The following BAIAP3 variants were observed in gnomAD, a reference collection of about 807,000 sequenced individuals.
BAIAP3 encodes BAI1-associated protein 3.
Under a neutral mutation model 149.7 loss-of-function variants are expected in BAIAP3, and 180 were observed. The observed-to-expected ratio is 1.20, with a 90% confidence interval of 1.07 to 1.36. BAIAP3 has a LOEUF of 1.36. Ranked by LOEUF, BAIAP3 falls within the 40% of genes most tolerant of loss-of-function variation. The pLI is 0.00. For missense variants in BAIAP3, 1,767 were observed against 1,563.4 expected (o/e 1.13, Z -2.20); for synonymous variants, 845 against 670.7 (o/e 1.26, Z -4.02).
At position 1,342,523 on chromosome 16, in the gene BAIAP3, C is replaced by G; in HGVS notation, c.958-4C>G. On this transcript the variant is annotated splice_region_variant and splice_polypyrimidine_tract_variant and intron_variant, in intron 11 of 33. Coordinates refer to ENST00000426824, the MANE Select transcript of BAIAP3 (RefSeq NM_001199097.2). ...GGTGGGCCTGACCCCCATGCTACCCCCAGGAGGTGCCTGTGGCTGGCGTCG... is the reference window on the plus strand; with the variant it reads ...GGTGGGCCTGACCCCCATGCTACCCGCAGGAGGTGCCTGTGGCTGGCGTCG... The G allele has an allele frequency of 6.4e-7, 1 of 1,551,604 alleles. No homozygotes were observed. Among genetic ancestry groups the G allele is most frequent in the Non-Finnish European group, 8.7e-7 (1 of 1,147,758 alleles).
Position 1,345,246 on chromosome 16 carries a change from C to G in BAIAP3, c.1941-3C>G. On this transcript the variant is annotated splice_polypyrimidine_tract_variant and splice_region_variant and intron_variant, in intron 21 of 33. Coordinates refer to ENST00000426824, the MANE Select transcript of BAIAP3 (RefSeq NM_001199097.2). ...CCGAGCCCTCACAACCCTCCCACCA[C>G]AGGGACAGCCGCTCTCTGGCCCTGG... The G allele has an allele frequency of 6.2e-7, 1 of 1,612,758 alleles. No individual in the cohort carries two copies. The highest frequency in any genetic ancestry group is 8.5e-7 in the Non-Finnish European group (1 of 1,179,766).
rs1039905614 is a variant in BAIAP3 at position 1,337,433 on chromosome 16, G to A, written c.-10-1107G>A. Reference sequence around the variant, plus strand: ...CTTGGGAGGCTGAGGCAGGAGAATCGCTTGAACCTGGAAGGCGGAGGTTGC... The same window carrying A: ...CTTGGGAGGCTGAGGCAGGAGAATCACTTGAACCTGGAAGGCGGAGGTTGC... On this transcript the variant is annotated intron_variant, in intron 1 of 33. Transcript: ENST00000426824. Among the ~76,000 whole-genome samples the A allele has an allele frequency of 1.2e-4, 18 of 152,226 alleles. 1 individual carries two copies. Among genetic ancestry groups the A allele is most frequent in the Non-Finnish European group, 2.9e-5 (2 of 68,030 alleles).
intron 11 of BAIAP3, 74 bp downstream of exon 11, chr16:1,342,357 G>A (rs773087108): frequency 2.4e-5 from 36 of 1,495,736 alleles, no homozygotes; most frequent in Non-Finnish European, 3.2e-5. Flanking sequence ...CAAGGGGCAG[G>A]GCACTGCCTG....
chr16:1,341,825 G>GA lies in BAIAP3; in HGVS notation c.736dup (p.Ile246AsnfsTer2). ...GGCATCTCTGTTCTCCTTGTAGCGA[G>GA]ATTGAGGATGTGAGCACGGACCAGC... On this transcript the variant is annotated frameshift_variant, in exon 9 of 34. Coordinates refer to ENST00000426824, the MANE Select transcript of BAIAP3 (RefSeq NM_001199097.2). LOFTEE classifies it high-confidence loss of function. 1 of 1,612,482 alleles carries GA rather than the reference G, an allele frequency of 6.2e-7. No homozygotes were observed. Among genetic ancestry groups the GA allele is most frequent in the East Asian group, 2.2e-5 (1 of 44,870 alleles).
In BAIAP3 at chr16:1,345,755, C is replaced by G. The variant is rs776326512; in HGVS notation, c.2073C>G (p.Pro691=). Reference sequence around the variant, plus strand: ...CTCCCCTGCCTCCCTAGCTGGAGCCCGTGGACGCCTCCTCCAGGCACAGCA... The same window carrying G: ...CTCCCCTGCCTCCCTAGCTGGAGCCGGTGGACGCCTCCTCCAGGCACAGCA... The part of the protein sequence containing the change: ...QGAVDMDTLE[P]VDASSRHSSS... The change falls in exon 23 of 34, where the codon CCC becomes CCG. Residue 691 remains proline (P), a synonymous_variant. Coordinates refer to ENST00000426824, the MANE Select transcript of BAIAP3 (RefSeq NM_001199097.2). 1.9e-6 allele frequency: 3 copies of G among 1,541,858 alleles called. No individual in the cohort carries two copies. The highest frequency in any genetic ancestry group is 4.8e-5 in the East Asian group (2 of 41,796).
intron 28 of BAIAP3, 86 bp from the exon 29 acceptor site, chr16:1,347,212 C>A: frequency 7.3e-7 from 1 of 1,374,998 alleles, no homozygotes; most frequent in Non-Finnish European, 1.0e-6. Context: ...CCCAGTGCTG[C>A]CTGGGCCCCT....
intron 32 of BAIAP3, 23 bp downstream of exon 32, chr16:1,348,040 C>A (rs1421087120): frequency 1.3e-6 from 2 of 1,598,126 alleles, no homozygotes; most frequent in Non-Finnish European, 1.7e-6. Context: ...AGCCCCAGCC[C>A]CAGCCCCAGG....
At chr16:1,340,544 A>C (rs7199081) in intron 5 of BAIAP3, among the ~76,000 whole-genome samples, 60,046 of 150,444 alleles carry the variant, frequency 0.4, 12,318 homozygotes, top group East Asian at 0.78. Flanking sequence ...ACACACACAC[A>C]CAGGCTGCAG....
chr16:1,345,066 AC>A lies in BAIAP3; in HGVS notation c.1909del (p.Leu637SerfsTer29). 6.2e-7 allele frequency: 1 copy of A among 1,612,262 alleles called. No homozygotes were observed. The highest frequency in any genetic ancestry group is 8.5e-7 in the Non-Finnish European group (1 of 1,179,960). ...TTTGAGCTCTACCTGACCCTGGCTG[AC>A]CTCCAGCGCTTCTGGGATAGCATCC... ...GLFELYLTLADLQRFWDSIPG... is the reference protein window; with the variant it reads ...GLFELYLTLAXLQRFWDSIPG... On this transcript the variant is annotated frameshift_variant, in exon 21 of 34. Coordinates refer to ENST00000426824, the MANE Select transcript of BAIAP3 (RefSeq NM_001199097.2). LOFTEE classifies it high-confidence loss of function.
chr16:1,336,975 G>A (rs541985829), intron 1 of BAIAP3, among the ~76,000 whole-genome samples: 1 of 152,308 alleles, frequency 6.6e-6, no homozygotes, highest in South Asian at 2.1e-4. Flanking sequence ...GGCAAGGCTG[G>A]GACAGGAACC....
In BAIAP3 at chr16:1,345,358, G is replaced by A. The variant is rs372682330; in HGVS notation, c.2050G>A (p.Val684Met). The change falls in exon 22 of 34, where the codon GTG becomes ATG. Residue 684 changes from valine (V) to methionine (M), a missense_variant. Physicochemically the swap from Val to Met is conservative, Grantham distance 21. Transcript: ENST00000426824. ...DQAKWRLQGAVDMDTLEPVDA... is the reference protein window; with the variant it reads ...DQAKWRLQGAMDMDTLEPVDA... ...GGCCAAGTGGAGGCTTCAGGGAGCC[G>A]TGGACATGGACACGGTGACAGCTGC... The A allele has an allele frequency of 9.9e-6, 16 of 1,612,290 alleles. No homozygotes were observed. Among genetic ancestry groups the A allele is most frequent in the Admixed American group, 3.3e-5 (2 of 59,946 alleles).
Position 1,347,435 on chromosome 16 carries a change from C to G in BAIAP3, c.2823+66C>G, listed in dbSNP as rs374306111. 16 of 1,593,218 alleles carry G rather than the reference C, an allele frequency of 1.0e-5. 1 individual carries two copies. The highest frequency in any genetic ancestry group is 2.7e-5 in the African/African-American group (2 of 74,498). Reference sequence around the variant, plus strand: ...GGACTGAGTTCAAACTGCAGCCCCACACGGGCTGTGTCCTTGAGCATGAGG... The same window carrying G: ...GGACTGAGTTCAAACTGCAGCCCCAGACGGGCTGTGTCCTTGAGCATGAGG... On this transcript the variant is annotated intron_variant, in intron 29 of 33. Transcript: ENST00000426824.
At chr16:1,334,391 C>T in intron 1 of BAIAP3, 1 of 505,972 alleles carries the variant, frequency 2.0e-6, no homozygotes. Flanking sequence ...GGGAGAGACC[C>T]CCATAGAACT....
In BAIAP3 at chr16:1,348,166, C is replaced by T. The variant is rs764610902; in HGVS notation, c.3220C>T (p.Leu1074=). The T allele has an allele frequency of 1.2e-6, 2 of 1,608,726 alleles. No homozygotes were observed. The highest frequency in any genetic ancestry group is 2.7e-5 in the African/African-American group (2 of 74,936). Residue 1074 remains leucine (L), a synonymous_variant, in exon 33 of 34, where the codon CTG becomes TTG. Transcript: ENST00000426824. ...GTTCACCGTCATGGACCACGACTGG[C>T]TGTCCACCAACGACTTCGCTGGGGA... is the stretch of plus-strand genomic sequence containing the variant. ...VLFTVMDHDW[L]STNDFAGEAA...
Position 1,343,515 on chromosome 16 carries a change from T to G in BAIAP3, c.1386+2T>G, listed in dbSNP as rs1596577246. The G allele has an allele frequency of 6.2e-7, 1 of 1,606,094 alleles. No individual in the cohort carries two copies. Among genetic ancestry groups the G allele is most frequent in the Non-Finnish European group, 8.5e-7 (1 of 1,177,912 alleles). ...GCTCCTTCACTGCCCCAGGAGCAGG[T>G]GGGTGCAGCCGGGACCTTCTTGCCA... On this transcript the variant is annotated splice_donor_variant, in intron 15 of 33. Transcript: ENST00000426824. LOFTEE classifies it high-confidence loss of function.
At position 1,347,940 on chromosome 16, in the gene BAIAP3, C is replaced by G. The variant is rs2034494893; in HGVS notation, c.3072C>G (p.Leu1024=). The G allele has an allele frequency of 6.2e-7, 1 of 1,612,178 alleles. No homozygotes were observed. The highest frequency in any genetic ancestry group is 8.5e-7 in the Non-Finnish European group (1 of 1,179,950). Residue 1024 remains leucine, a synonymous_variant, in exon 32 of 34, where the codon CTC becomes CTG. Transcript: ENST00000426824. ...FVIVELGPPH[L]FPLVRSQRTQ... is the part of the protein sequence containing the mutation. Reference sequence around the variant, plus strand: ...TCGTGGAGCTGGGCCCACCGCATCTCTTTCCACTGGTCCGCAGCCAGAGGA... The same window carrying G: ...TCGTGGAGCTGGGCCCACCGCATCTGTTTCCACTGGTCCGCAGCCAGAGGA...
rs781005290 is a variant in BAIAP3 at position 1,339,065 on chromosome 16, T to C, written c.219+76T>C. The C allele has an allele frequency of 6.2e-6, 10 of 1,602,992 alleles. 1 individual carries two copies. In the East Asian group the frequency reaches 2.0e-4, roughly 32 times the overall value. ...CCCTTTGCTCCTCCCCGCTCCCTCC[T>C]GCCCTCGCTCCCACCTCCTGGGGCA... On this transcript the variant is annotated intron_variant, in intron 3 of 33. Coordinates refer to ENST00000426824, the MANE Select transcript of BAIAP3 (RefSeq NM_001199097.2).
At chr16:1,340,425 G>T (rs1233350017) in intron 5 of BAIAP3, among the ~76,000 whole-genome samples, 2 of 74,900 alleles carry the variant, frequency 2.7e-5, no homozygotes, top group African/African-American at 7.6e-5. Flanking sequence ...TAGGCTGCAG[G>T]TGTACACAGA....
At chr16:1,346,136 C>T (rs755141411) in intron 24 of BAIAP3, 34 bp from the exon 25 acceptor site, 43 of 1,607,104 alleles carry the variant, frequency 2.7e-5, no homozygotes, top group South Asian at 4.4e-5. Context: ...CACCAGGCCC[C>T]GGACCCATCG....
Sources: allele counts gnomAD v4.1 joint callset (sites outside exome capture counted in the v4.1 genomes callset), GRCh38; gene constraint gnomAD v4.1.1; transcripts MANE v1.5; gene names NCBI Gene and HGNC (gene_info 2026-07-23, HGNC 2026-07-21).